KCNQ3: variants seen among roughly 807,000 people sequenced by gnomAD.
The protein encoded by KCNQ3 is potassium voltage-gated channel subfamily KQT member 3.
KCNQ3 carries 30 observed loss-of-function variants against 92.5 expected under a neutral mutation model. The ratio of observed to expected loss-of-function variants is 0.32; its 90% CI spans 0.24 to 0.44. The LOEUF is 0.44. KCNQ3 is among the 20% of genes least tolerant of loss of function. The pLI is 1.00. For missense variants in KCNQ3, 913 were observed against 1,140.3 expected (o/e 0.80, Z 2.87); for synonymous variants, 450 against 468.8 (o/e 0.96, Z 0.52).
At chr8:132,258,894 GATAA>G (rs1815683090) in intron 1 of KCNQ3, among the ~76,000 whole-genome samples, 1 of 152,016 alleles carries the variant, frequency 6.6e-6, no homozygotes, top group Non-Finnish European at 1.5e-5. Flanking sequence ...CAAAAAATTA[GATAA>G]CCTAGATGAA....
At chr8:132,198,662 C>A (rs931418886) in intron 1 of KCNQ3, among the ~76,000 whole-genome samples, 1 of 152,046 alleles carries the variant, frequency 6.6e-6, no homozygotes, top group Non-Finnish European at 1.5e-5. Context: ...CAAAAATTAG[C>A]TGGGCATGGT....
At chr8:132,133,350 G>GAAATT (rs2130929812) in intron 13 of KCNQ3, among the ~76,000 whole-genome samples, 1 of 131,256 alleles carries the variant, frequency 7.6e-6, no homozygotes, top group South Asian at 2.4e-4. Context: ...TAATGCTCTC[G>GAAATT]ATTCTTTTTT....
At chr8:132,345,976 T>A (rs1411256329) in intron 1 of KCNQ3, among the ~76,000 whole-genome samples, 1 of 151,394 alleles carries the variant, frequency 6.6e-6, no homozygotes, top group East Asian at 1.9e-4. Flanking sequence ...GATAATGTGA[T>A]GAGTATTATG....
At chr8:132,398,211 T>G (rs1820243520) in intron 1 of KCNQ3, among the ~76,000 whole-genome samples, 1 of 152,224 alleles carries the variant, frequency 6.6e-6, no homozygotes, top group Admixed American at 6.5e-5. Flanking sequence ...AGGCAGTTTC[T>G]GCTGAACCAA....
At chr8:132,389,765 T>G (rs1819998801) in intron 1 of KCNQ3, among the ~76,000 whole-genome samples, 1 of 152,176 alleles carries the variant, frequency 6.6e-6, no homozygotes, top group African/African-American at 2.4e-5. Flanking sequence ...TTAAAACCAT[T>G]AACAACATGA....
At chr8:132,306,194 G>T (rs1817416895) in intron 1 of KCNQ3, among the ~76,000 whole-genome samples, 1 of 152,142 alleles carries the variant, frequency 6.6e-6, no homozygotes, top group African/African-American at 2.4e-5. Context: ...TTTGAAAAAT[G>T]GTTCTCTCCT....
chr8:132,331,796 G>A (rs554537467), intron 1 of KCNQ3, among the ~76,000 whole-genome samples: 10 of 152,276 alleles, frequency 6.6e-5, no homozygotes, highest in African/African-American at 2.2e-4. Context: ...TTCCTTGATG[G>A]GCTACTTTGT....
intron 1 of KCNQ3, among the ~76,000 whole-genome samples, chr8:132,203,739 T>G (rs1037536398): frequency 1.3e-5 from 2 of 152,162 alleles, no homozygotes; most frequent in African/African-American, 4.8e-5. Context: ...ACTCAAAGGG[T>G]TGCTGTGAGA....
chr8:132,420,596 G>C (rs1820940905), intron 1 of KCNQ3, among the ~76,000 whole-genome samples: 2 of 152,206 alleles, frequency 1.3e-5, no homozygotes, highest in Admixed American at 1.3e-4. Flanking sequence ...AGCACATAAG[G>C]GAGGTCACTG....
chr8:132,154,223 T>TTTTTTTTTTTTTTTTTTTTTTG (rs1825737377), intron 9 of KCNQ3, among the ~76,000 whole-genome samples: 1 of 131,788 alleles, frequency 7.6e-6, no homozygotes, highest in Non-Finnish European at 1.6e-5. Flanking sequence ...TTTTTTTTTT[T>TTTTTTTTTTTTTTTTTTTTTTG]AGCCAATCAG....
At chr8:132,337,868 C>CA (rs1818408393) in intron 1 of KCNQ3, among the ~76,000 whole-genome samples, 1 of 152,200 alleles carries the variant, frequency 6.6e-6, no homozygotes, top group Admixed American at 6.5e-5. Context: ...TGAAGTCTGG[C>CA]AGTATAGAAA....
intron 1 of KCNQ3, among the ~76,000 whole-genome samples, chr8:132,270,243 T>C (rs1269637969): frequency 6.6e-6 from 1 of 152,248 alleles, no homozygotes; most frequent in Non-Finnish European, 1.5e-5. Flanking sequence ...CGTCGCCAGA[T>C]TGAAACTAGT....
intron 1 of KCNQ3, among the ~76,000 whole-genome samples, chr8:132,410,484 T>A (rs934286967): frequency 6.6e-6 from 1 of 152,186 alleles, no homozygotes; most frequent in Non-Finnish European, 1.5e-5. Context: ...GAGAACCCTG[T>A]CCTTGGAGCT....
chr8:132,129,886 C>A lies in KCNQ3; in HGVS notation c.1995G>T (p.Ser665=), dbSNP rs759776061. ...CCTCCTTCTTCTCTGCTTCAGCTGG[C>A]GAGGAGGTGCCCTTGGTTGGGTAAT... is the stretch of plus-strand genomic sequence containing the variant. The part of the protein sequence containing the change: ...TEYYPTKGTS[S]PAEAEKKEDN... Residue 665 remains serine (S), a synonymous_variant, in exon 15 of 15, where the codon TCG becomes TCT. Transcript: ENST00000388996. This position sits in a 1 kb window ranked among gnomAD's most constrained non-coding sequence, Gnocchi z 5.9. 6.2e-7 allele frequency: 1 copy of A among 1,613,944 alleles called. No homozygotes were observed. Among genetic ancestry groups the A allele is most frequent in the Admixed American group, 1.7e-5 (1 of 59,990 alleles).
intron 1 of KCNQ3, chr8:132,187,136 G>A: frequency 2.2e-6 from 1 of 455,994 alleles, no homozygotes; most frequent in Admixed American, 2.3e-5. Context: ...AAGCTTGGTA[G>A]TACATACTCT....
intron 1 of KCNQ3, among the ~76,000 whole-genome samples, chr8:132,337,262 T>G (rs1818389563): frequency 6.6e-6 from 1 of 152,112 alleles, no homozygotes; most frequent in African/African-American, 2.4e-5. Flanking sequence ...GGCAGGAGGA[T>G]CGCATTGCTT....
chr8:132,375,462 A>C (rs1819581812), intron 1 of KCNQ3, among the ~76,000 whole-genome samples: 1 of 152,138 alleles, frequency 6.6e-6, no homozygotes, highest in African/African-American at 2.4e-5. Context: ...GCCGCTGAGA[A>C]ACTCCACTGT....
chr8:132,228,917 A>G (rs1331472889), intron 1 of KCNQ3, among the ~76,000 whole-genome samples: 1 of 152,208 alleles, frequency 6.6e-6, no homozygotes, highest in Non-Finnish European at 1.5e-5. Context: ...AAGGTTTGAC[A>G]CAGGGAGAGA....
chr8:132,274,605 G>A (rs573233920), intron 1 of KCNQ3, among the ~76,000 whole-genome samples: 1 of 152,052 alleles, frequency 6.6e-6, no homozygotes, highest in Non-Finnish European at 1.5e-5. Context: ...TTTCTATATT[G>A]TCCATGTTAT....
Sources: allele counts gnomAD v4.1 joint callset (sites outside exome capture counted in the v4.1 genomes callset), GRCh38; gene constraint gnomAD v4.1.1; non-coding constraint Gnocchi (gnomAD v3.1); transcripts MANE v1.5; gene names NCBI Gene and HGNC (gene_info 2026-07-23, HGNC 2026-07-21).